Variants in RBFOX1 observed in about 807,000 individuals in gnomAD.
The protein encoded by RBFOX1 is RNA binding fox-1 homolog 1, also known as RNA binding protein fox-1 homolog 1.
A neutral mutation model predicts 57.7 loss-of-function variants in RBFOX1; 8 were observed. The ratio of observed to expected loss-of-function variants is 0.14; its 90% CI spans 0.08 to 0.25. The LOEUF (loss-of-function observed/expected upper bound fraction) is 0.25. RBFOX1 is among the 10% of genes least tolerant of loss of function. The probability of loss-of-function intolerance (pLI) is 1.00; values close to 1 mark genes in which losing one functional copy is unlikely to be tolerated. For missense variants in RBFOX1, 611 were observed against 548.5 expected (o/e 1.11, Z -1.14); for synonymous variants, 326 against 222.4 (o/e 1.47, Z -4.15).
intron 3 of RBFOX1, among the ~76,000 whole-genome samples, chr16:6,937,118 C>T (rs58567150): frequency 5.9e-5 from 9 of 151,956 alleles, no homozygotes; most frequent in East Asian, 1.9e-4. Context: ...AAAAAAAGAT[C>T]CATCAGCCAG....
intron 3 of RBFOX1, among the ~76,000 whole-genome samples, chr16:5,854,319 G>T (rs1336359742): frequency 6.6e-6 from 1 of 152,164 alleles, no homozygotes; most frequent in Non-Finnish European, 1.5e-5. Flanking sequence ...TGTGTGTTTT[G>T]ACCAACATCT....
intron 14 of RBFOX1, among the ~76,000 whole-genome samples, chr16:7,689,283 T>C (rs1302932752): frequency 6.6e-6 from 1 of 152,114 alleles, no homozygotes; most frequent in African/African-American, 2.4e-5. Flanking sequence ...ATCCTTCCTC[T>C]TCTCCACCCC....
intron 5 of RBFOX1, among the ~76,000 whole-genome samples, chr16:7,558,429 A>C (rs1177924363): frequency 6.6e-6 from 1 of 152,110 alleles, no homozygotes. Context: ...ATGTATAATT[A>C]TACTGTATGT....
At chr16:7,708,053 G>T (rs1472205460) in intron 14 of RBFOX1, among the ~76,000 whole-genome samples, 1 of 152,172 alleles carries the variant, frequency 6.6e-6, no homozygotes, top group East Asian at 1.9e-4. Flanking sequence ...AGAGATTCAA[G>T]TATCAGGCTG....
At chr16:7,120,391 C>T (rs940375203) in intron 4 of RBFOX1, among the ~76,000 whole-genome samples, 3 of 151,888 alleles carry the variant, frequency 2.0e-5, no homozygotes, top group African/African-American at 7.3e-5. Context: ...CTAAATCTGG[C>T]TCTTTCAAAG....
intron 3 of RBFOX1, among the ~76,000 whole-genome samples, chr16:5,847,895 T>C (rs776204174): frequency 7.1e-6 from 1 of 141,600 alleles, no homozygotes; most frequent in African/African-American, 2.6e-5. Flanking sequence ...ACAGATTGTC[T>C]GTAATTGTCC....
intron 4 of RBFOX1, among the ~76,000 whole-genome samples, chr16:5,940,663 C>G (rs1374458587): frequency 6.6e-6 from 1 of 152,202 alleles, no homozygotes; most frequent in Non-Finnish European, 1.5e-5. Flanking sequence ...AGTGGGAGCA[C>G]CCGTGGTAAA....
intron 3 of RBFOX1, among the ~76,000 whole-genome samples, chr16:5,652,580 A>C (rs997420812): frequency 6.6e-6 from 1 of 152,088 alleles, no homozygotes; most frequent in Non-Finnish European, 1.5e-5. Flanking sequence ...CCAGACCTCC[A>C]CTCCAGAAGT....
At chr16:7,081,006 T>G (rs1008456873) in intron 4 of RBFOX1, among the ~76,000 whole-genome samples, 5 of 152,212 alleles carry the variant, frequency 3.3e-5, no homozygotes, top group Non-Finnish European at 5.9e-5. Context: ...TCCTCAGCCC[T>G]TGCGAGTTGC....
Position 6,717,565 on chromosome 16 carries a change from A to T in RBFOX1, c.-16+62915A>T, listed in dbSNP as rs573803015. Among the ~76,000 whole-genome samples the T allele has an allele frequency of 2.0e-5, 3 of 151,594 alleles. No homozygotes were observed. In the East Asian group the frequency reaches 5.9e-4, roughly 30 times the overall value. Reference sequence around the variant, plus strand: ...ACCTGATGAATTAAGATAGCCTGTGAGCCTGAGATGCTGAAGTCTTTTTTT... The same window carrying T: ...ACCTGATGAATTAAGATAGCCTGTGTGCCTGAGATGCTGAAGTCTTTTTTT... On this transcript the variant is annotated intron_variant, in intron 3 of 15. Transcript: ENST00000550418.
chr16:7,560,105 T>C (rs950708464), intron 5 of RBFOX1, among the ~76,000 whole-genome samples: 1 of 152,232 alleles, frequency 6.6e-6, no homozygotes, highest in African/African-American at 2.4e-5. Context: ...CCAGGTGACT[T>C]AGAGACATTC....
intron 5 of RBFOX1, among the ~76,000 whole-genome samples, chr16:7,563,341 G>A (rs959180269): frequency 1.3e-5 from 2 of 152,162 alleles, no homozygotes; most frequent in African/African-American, 4.8e-5. Flanking sequence ...GAGACAGAGA[G>A]GTTAAGTAAC....
intron 4 of RBFOX1, among the ~76,000 whole-genome samples, chr16:7,456,975 C>T (rs986032360): frequency 2.0e-5 from 3 of 152,072 alleles, no homozygotes; most frequent in Admixed American, 2.0e-4. Flanking sequence ...ACTGCAACCT[C>T]TGCCTCCTGG....
At chr16:7,325,924 G>C (rs1334189276) in intron 4 of RBFOX1, among the ~76,000 whole-genome samples, 2 of 152,156 alleles carry the variant, frequency 1.3e-5, no homozygotes, top group African/African-American at 4.8e-5. Flanking sequence ...TGGAGTTTGA[G>C]TGCATGTCTG....
intron 4 of RBFOX1, among the ~76,000 whole-genome samples, chr16:7,470,751 C>T (rs192354655): frequency 8.5e-5 from 13 of 152,082 alleles, no homozygotes; most frequent in Admixed American, 5.2e-4. Flanking sequence ...AAGCAGATTC[C>T]TCAAGGAGTA....
intron 4 of RBFOX1, among the ~76,000 whole-genome samples, chr16:7,474,585 G>T (rs759669556): frequency 6.6e-6 from 1 of 152,170 alleles, no homozygotes; most frequent in African/African-American, 2.4e-5. Flanking sequence ...AATTAAAGTG[G>T]CAGGACCGCA....
intron 2 of RBFOX1, among the ~76,000 whole-genome samples, chr16:5,532,912 T>G (rs1029269358): frequency 6.6e-6 from 1 of 152,112 alleles, no homozygotes; most frequent in Non-Finnish European, 1.5e-5. Flanking sequence ...TGGCCTAGGG[T>G]GGAGATCTCA....
chr16:6,088,337 A>G (rs2096119810), intron 1 of RBFOX1, among the ~76,000 whole-genome samples: 1 of 152,074 alleles, frequency 6.6e-6, no homozygotes, highest in Admixed American at 6.6e-5. Context: ...CACAGTGTTT[A>G]TTGCCAGAGA....
intron 3 of RBFOX1, among the ~76,000 whole-genome samples, chr16:6,859,276 G>C (rs962007810): frequency 1.3e-5 from 2 of 148,652 alleles, no homozygotes; most frequent in Non-Finnish European, 3.0e-5. Flanking sequence ...GACTCCTCTT[G>C]AATATTATTT....
Sources: allele counts gnomAD v4.1 joint callset (sites outside exome capture counted in the v4.1 genomes callset), GRCh38; gene constraint gnomAD v4.1.1; transcripts MANE v1.5; gene names NCBI Gene and HGNC (gene_info 2026-07-23, HGNC 2026-07-21).